CREB5: variants seen among roughly 807,000 people sequenced by gnomAD.
CREB5 encodes cyclic AMP-responsive element-binding protein 5.
A neutral mutation model predicts 57.1 loss-of-function variants in CREB5; 19 were observed. The ratio of observed to expected loss-of-function variants is 0.33; its 90% CI spans 0.23 to 0.49. The LOEUF is 0.49. CREB5 is among the 20% of genes least tolerant of loss of function. CREB5 has a pLI of 0.99. For missense variants in CREB5, 579 were observed against 671.6 expected (o/e 0.86, Z 1.52); for synonymous variants, 238 against 238.3 (o/e 1.00, Z 0.01).
intron 3 of CREB5, among the ~76,000 whole-genome samples, chr7:28,507,122 GA>G (rs1168942382): frequency 1.3e-5 from 2 of 152,136 alleles, no homozygotes; most frequent in African/African-American, 2.4e-5. Flanking sequence ...TCTCCATTAA[GA>G]AAAATGAATT....
At position 28,761,969 on chromosome 7, in the gene CREB5, A is replaced by T. The variant is rs182761642; in HGVS notation, c.702+37637A>T. ...AAGATAAAGTAGTGTGAAACATGTGAATCTCAATGTAAATAACTGGTTGGG... is the reference window on the plus strand; with the variant it reads ...AAGATAAAGTAGTGTGAAACATGTGTATCTCAATGTAAATAACTGGTTGGG... On this transcript the variant is annotated intron_variant, in intron 7 of 10. Transcript: ENST00000357727. 2.3e-3 allele frequency among the ~76,000 whole-genome samples: 353 copies of T among 152,316 alleles called. 3 individuals are homozygous for T. The highest frequency in any genetic ancestry group is 7.7e-3 in the African/African-American group (322 of 41,572).
chr7:28,588,841 T>A (rs1379723437), intron 5 of CREB5, among the ~76,000 whole-genome samples: 2 of 152,160 alleles, frequency 1.3e-5, no homozygotes, highest in African/African-American at 4.8e-5. Flanking sequence ...TTTTTTGAGA[T>A]TGTGAATCTG....
At chr7:28,715,004 A>T (rs767165904) in intron 5 of CREB5, among the ~76,000 whole-genome samples, 2 of 152,212 alleles carry the variant, frequency 1.3e-5, no homozygotes, top group African/African-American at 4.8e-5. Flanking sequence ...GCAATTTGCC[A>T]TATTATTTTC....
chr7:28,666,477 C>G (rs1235011324), intron 5 of CREB5, among the ~76,000 whole-genome samples: 2 of 152,170 alleles, frequency 1.3e-5, no homozygotes, highest in African/African-American at 4.8e-5. Flanking sequence ...CTGATGTTAA[C>G]GGATCCTTTA....
At chr7:28,641,621 A>C (rs1398003836) in intron 5 of CREB5, among the ~76,000 whole-genome samples, 1 of 151,928 alleles carries the variant, frequency 6.6e-6, no homozygotes, top group Non-Finnish European at 1.5e-5. Flanking sequence ...TAAACTAAAC[A>C]CCCAAAATGT....
intron 6 of CREB5, among the ~76,000 whole-genome samples, chr7:28,722,956 C>T (rs1390235433): frequency 6.6e-6 from 1 of 152,206 alleles, no homozygotes; most frequent in African/African-American, 2.4e-5. Context: ...GGAATCACAA[C>T]AAGGGAAGAG....
chr7:28,652,331 A>G (rs557063762), intron 5 of CREB5, among the ~76,000 whole-genome samples: 2 of 152,206 alleles, frequency 1.3e-5, no homozygotes, highest in Non-Finnish European at 2.9e-5. Flanking sequence ...TTAAGGTAAT[A>G]ATGGAAGTTT....
At chr7:28,778,059 TTGA>T (rs1421101785) in intron 7 of CREB5, among the ~76,000 whole-genome samples, 1 of 152,206 alleles carries the variant, frequency 6.6e-6, no homozygotes, top group Non-Finnish European at 1.5e-5. Flanking sequence ...ATATTGTTTG[TTGA>T]TGTTTCTACA....
Position 28,687,554 on chromosome 7 carries a change from T to C in CREB5, c.465-31199T>C, listed in dbSNP as rs545573738. Among the ~76,000 whole-genome samples the C allele has an allele frequency of 3.3e-5, 5 of 149,600 alleles. No homozygotes were observed. The South Asian group carries it at 1.1e-3, about 32-fold the overall frequency. ...GACACCATCCGGCATTACTAGATAG[T>C]AATAAACTGAAACCCACTAAAACAA... On this transcript the variant is annotated intron_variant, in intron 5 of 10. Transcript: ENST00000357727.
intron 7 of CREB5, among the ~76,000 whole-genome samples, chr7:28,743,838 C>CTTT (rs58302393): frequency 0.03 from 2,271 of 75,952 alleles, 74 homozygotes; most frequent in Middle Eastern, 0.053. Context: ...ATCTCCTTTT[C>CTTT]TTTTTTTTTT....
intron 5 of CREB5, chr7:28,609,235 T>C (rs1797294525): frequency 6.6e-6 from 1 of 152,194 alleles, no homozygotes; most frequent in Non-Finnish European, 1.5e-5. Context: ...TTCTCTGACA[T>C]GCATTTTAGA....
chr7:28,769,696 T>C (rs1806219029), intron 7 of CREB5, among the ~76,000 whole-genome samples: 3 of 152,186 alleles, frequency 2.0e-5, no homozygotes, highest in Non-Finnish European at 1.5e-5. Context: ...CTGACTGAAA[T>C]GTAATTTTTT....
intron 1 of CREB5, among the ~76,000 whole-genome samples, chr7:28,487,485 A>G (rs1791613929): frequency 6.6e-6 from 1 of 152,196 alleles, no homozygotes; most frequent in African/African-American, 2.4e-5. Flanking sequence ...ATAAAGCCAA[A>G]TTAATGAAAT....
chr7:28,310,572 CTT>C (rs1785258208), intron 1 of CREB5, among the ~76,000 whole-genome samples: 2 of 152,332 alleles, frequency 1.3e-5, no homozygotes, highest in South Asian at 4.1e-4. Context: ...CAATTTTGCT[CTT>C]TGGAGTAATT....
chr7:28,336,316 AT>A (rs1250331486), intron 1 of CREB5, among the ~76,000 whole-genome samples: 1 of 152,130 alleles, frequency 6.6e-6, no homozygotes, highest in Non-Finnish European at 1.5e-5. Context: ...CTGTGAAGCC[AT>A]TGAGTCTCGG....
At chr7:28,484,175 C>A (rs551613160) in intron 1 of CREB5, among the ~76,000 whole-genome samples, 13 of 152,286 alleles carry the variant, frequency 8.5e-5, no homozygotes, top group African/African-American at 3.1e-4. Flanking sequence ...GGGAGAACAG[C>A]CTCGTTCAAA....
At chr7:28,536,959 A>T (rs887645863) in intron 4 of CREB5, among the ~76,000 whole-genome samples, 83 of 152,200 alleles carry the variant, frequency 5.5e-4, no homozygotes, top group African/African-American at 1.9e-3. Flanking sequence ...CTGCTTAACC[A>T]TGCTGATCCC....
rs1300648104 is a variant in CREB5 at position 28,682,467 on chromosome 7, A to T, written c.465-36286A>T. ...ACCACCTGGATGGTTATTGTAAATT[A>T]AAAAAGGAAGAGATGCCACTTTTTT... On this transcript the variant is annotated intron_variant, in intron 5 of 10. Transcript: ENST00000357727. Among the ~76,000 whole-genome samples the T allele has an allele frequency of 6.6e-5, 10 of 152,368 alleles. No individual in the cohort carries two copies. The East Asian group carries it at 1.9e-3, about 29-fold the overall frequency.
chr7:28,609,994 G>A (rs1316555144), intron 5 of CREB5, among the ~76,000 whole-genome samples: 1 of 152,236 alleles, frequency 6.6e-6, no homozygotes, highest in Non-Finnish European at 1.5e-5. Flanking sequence ...TGTCAGCATG[G>A]TTCTCAACCA....
Sources: gnomAD v4.1 joint callset for allele counts (sites outside exome capture counted in the v4.1 genomes callset) on GRCh38, gnomAD v4.1.1 for gene constraint, MANE v1.5 for transcripts, NCBI Gene and HGNC (gene_info 2026-07-23, HGNC 2026-07-21) for gene names.